Variants in TNK2 observed in about 807,000 individuals in gnomAD.
TNK2 encodes the protein tyrosine kinase non receptor 2.
TNK2 carries 83 observed loss-of-function variants against 101.8 expected under a neutral mutation model. That is an observed-to-expected ratio of 0.82 (90% CI 0.68 to 0.98). TNK2 has a LOEUF of 0.98. TNK2 is among the 50% of genes least tolerant of loss of function. The pLI, the probability that TNK2 is intolerant of heterozygous loss-of-function variation, is 0.00. For missense variants in TNK2, 1,665 were observed against 1,483.2 expected, an observed-to-expected ratio of 1.12 and a Z score of -2.01; for synonymous variants, 804 against 633.0, an observed-to-expected ratio of 1.27 and a Z score of -4.06.
Position 195,868,424 on chromosome 3 carries a change from C to G in TNK2, c.1874G>C (p.Arg625Pro). Residue 625 changes from arginine (R) to proline (P), a missense_variant, in exon 13 of 16, where the codon CGG becomes CCG. Arg to Pro is a moderately radical substitution (Grantham distance 103). Around this residue, in one of 3 missense-constraint regions of TNK2, gnomAD observed 1,136 missense variants for 894.9 expected, o/e 1.27. Transcript: ENST00000672887. Reference protein sequence around the residue: ...LDETPPQSPTRALPRPLHPTP... With the variant: ...LDETPPQSPTPALPRPLHPTP... ...GGGGTGCAGGGGCCGGGGCAGTGCC[C>G]GCGTGGGGCTCTGAGGCGGGGTCTC... 1.3e-6 allele frequency: 2 copies of G among 1,568,810 alleles called. No homozygotes were observed. Among genetic ancestry groups the G allele is most frequent in the African/African-American group, 2.7e-5 (2 of 73,466 alleles).
rs982119296 is a variant in TNK2 at position 195,894,900 on chromosome 3, T to C, written c.-18-6294A>G. ...AAGGACATCTGGCTTGATATTCATATTCAGAAGCCTAGTAAACGGGAATGC... is the reference window on the plus strand; with the variant it reads ...AAGGACATCTGGCTTGATATTCATACTCAGAAGCCTAGTAAACGGGAATGC... On this transcript the variant is annotated intron_variant, in intron 1 of 15. Transcript: ENST00000672887. Among the ~76,000 whole-genome samples, 14 of 152,232 alleles carry C rather than the reference T, an allele frequency of 9.2e-5. No individual in the cohort carries two copies. In the South Asian group the frequency reaches 1.9e-3, roughly 20 times the overall value.
chr3:195,869,443 TGA>T lies in TNK2; in HGVS notation c.1588+52_1588+53del, dbSNP rs1301359628. The T allele has an allele frequency of 6.2e-6, 9 of 1,462,798 alleles. No homozygotes were observed. The African/African-American group carries it at 9.2e-5, about 15-fold the overall frequency. The allele number at this position is 1,462,798 out of a possible 1,614,324, so 90.6% of individuals were successfully genotyped here. On this transcript the variant is annotated intron_variant, in intron 12 of 15. Coordinates refer to ENST00000672887, the MANE Select transcript of TNK2 (RefSeq NM_001382273.1). ...GGCTCTGTACCTTCCAGGAGAGGAG[TGA>T]GAGAGAGGGGGCGGGGGCGGGGGCC...
At chr3:195,870,245 G>A (rs765137777) in intron 10 of TNK2, 40 bp from the exon 11 acceptor site, 44 of 1,599,846 alleles carry the variant, frequency 2.8e-5, no homozygotes, top group Admixed American at 1.7e-4. Context: ...CAGGGGAAGC[G>A]TGTGGAGGGG....
chr3:195,886,920 G>T lies in TNK2; in HGVS notation c.234+57C>A. Reference sequence around the variant, plus strand: ...GGGGAAGGTTCCCAGGACCAGAAGCGGAGGGGGGCGTTCGAGGCTGCCCCC... The same window carrying T: ...GGGGAAGGTTCCCAGGACCAGAAGCTGAGGGGGGCGTTCGAGGCTGCCCCC... On this transcript the variant is annotated intron_variant, in intron 3 of 15. Transcript: ENST00000672887. The surrounding 1 kb of genome is among the most constrained non-coding windows in gnomAD (Gnocchi z 4.2). 6.3e-7 allele frequency: 1 copy of T among 1,586,034 alleles called. No homozygotes were observed. Among genetic ancestry groups the T allele is most frequent in the Non-Finnish European group, 8.7e-7 (1 of 1,154,390 alleles).
chr3:195,870,118 C>A lies in TNK2; in HGVS notation c.1539G>T (p.Val513=). Residue 513 remains valine (V), a synonymous_variant, in exon 11 of 16, where the codon GTG becomes GTT. Transcript: ENST00000672887. ...TSRPPQHLGG[V]KREPPPRPPQ... ...AGGGAGCAGAGGGGCTCTTACTTTT[C>A]ACCCCTCCTAGATGCTGGGGGGGCC... 1.4e-6 allele frequency: 2 copies of A among 1,458,562 alleles called. No individual in the cohort carries two copies. Among genetic ancestry groups the A allele is most frequent in the Non-Finnish European group, 1.8e-6 (2 of 1,100,328 alleles). The allele number at this position is 1,458,562 out of a possible 1,614,324, so 90.4% of individuals were successfully genotyped here.
Position 195,867,877 on chromosome 3 carries a change from G to A in TNK2, c.2421C>T (p.Pro807=). The change falls in exon 13 of 16, where the codon CCC becomes CCT. Residue 807 remains proline (P), a synonymous_variant. Coordinates refer to ENST00000672887, the MANE Select transcript of TNK2 (RefSeq NM_001382273.1). ...AGCTGCCAGGTGGTACCAGGGGGCT[G>A]GGTGTCCTCGAGCCTTGAGGGGACA... The part of the protein sequence containing the change: ...EPLSPQGSRT[P]SPLVPPGSSP... 1 of 1,530,648 alleles carries A rather than the reference G, an allele frequency of 6.5e-7. No individual in the cohort carries two copies. The highest frequency in any genetic ancestry group is 8.7e-7 in the Non-Finnish European group (1 of 1,145,796). The allele number at this position is 1,530,648 out of a possible 1,614,324, so 94.8% of individuals were successfully genotyped here. A position where few individuals can be genotyped will look rare whatever the true frequency, so the allele number is the denominator to read the frequency against.
intron 2 of TNK2, among the ~76,000 whole-genome samples, chr3:195,887,806 G>A (rs551048028): frequency 2.7e-5 from 4 of 149,368 alleles, no homozygotes; most frequent in East Asian, 2.0e-4. Flanking sequence ...TGTGTATGCC[G>A]TGCGTGTGCA....
At chr3:195,881,662 G>A (rs1753100901) in intron 6 of TNK2, among the ~76,000 whole-genome samples, 1 of 101,468 alleles carries the variant, frequency 9.9e-6, no homozygotes, top group Admixed American at 1.3e-4. Flanking sequence ...GCCCTTTGGA[G>A]AGGACACAGC....
At chr3:195,887,076 G>A (rs1330597011) in intron 2 of TNK2, 29 bp from the exon 3 acceptor site, 6 of 1,574,346 alleles carry the variant, frequency 3.8e-6, no homozygotes, top group Admixed American at 1.7e-5. Context: ...ACCGCGTGCT[G>A]TGAAGGCCGC....
At position 195,867,431 on chromosome 3, in the gene TNK2, G is replaced by A. The variant is rs1741640061; in HGVS notation, c.2867C>T (p.Ala956Val). The change falls in exon 13 of 16, where the codon GCT becomes GTT. Residue 956 changes from alanine to valine, a missense_variant. This residue lies in a region of TNK2 where 1,136 missense variants were observed against 894.9 expected (regional missense o/e 1.27). Coordinates refer to ENST00000672887, the MANE Select transcript of TNK2 (RefSeq NM_001382273.1). The part of the protein sequence containing the change: ...GARPPPPRAT[A>V]RLPQRGCPGD... ...AGGGCAGCCCCTCTGTGGCAGCCGAGCAGTGGCCCTCGGGGGTGGTGGCCG... is the reference window on the plus strand; with the variant it reads ...AGGGCAGCCCCTCTGTGGCAGCCGAACAGTGGCCCTCGGGGGTGGTGGCCG... The A allele has an allele frequency of 3.1e-6, 5 of 1,599,912 alleles. No individual in the cohort carries two copies. The highest frequency in any genetic ancestry group is 4.2e-6 in the Non-Finnish European group (5 of 1,177,668).
rs542507911 is a variant in TNK2, at chr3:195,878,096, C to T, written c.1256+157G>A. On this transcript the variant is annotated intron_variant, in intron 9 of 15. Coordinates refer to ENST00000672887, the MANE Select transcript of TNK2 (RefSeq NM_001382273.1). The surrounding 1 kb of genome is among the most constrained non-coding windows in gnomAD (Gnocchi z 4.7). ...GGGAAAGGCACTAGGAAGACGGAGG[C>T]AGGCCTGTCCTCCCCTCACACTGCA... Among the ~76,000 whole-genome samples the T allele has an allele frequency of 3.3e-5, 5 of 152,150 alleles. No homozygotes were observed. Among genetic ancestry groups the T allele is most frequent in the African/African-American group, 9.7e-5 (4 of 41,434 alleles).
Position 195,882,339 on chromosome 3 carries a change from G to A in TNK2, c.610-11C>T, listed in dbSNP as rs199585638. On this transcript the variant is annotated splice_polypyrimidine_tract_variant and intron_variant, in intron 5 of 15. Transcript: ENST00000672887. The surrounding 1 kb of genome is among the most constrained non-coding windows in gnomAD (Gnocchi z 4.2). ...TGCCAGCTCTGTCACCTGAGGCCAC[G>A]GAGGAGGCAGGAGGAATGAGCTGGA... The A allele has an allele frequency of 5.5e-5, 88 of 1,607,662 alleles. No homozygotes were observed. Among genetic ancestry groups the A allele is most frequent in the Middle Eastern group, 1.6e-4 (1 of 6,062 alleles).
Position 195,868,349 on chromosome 3 carries a change from T to C in TNK2, c.1949A>G (p.Tyr650Cys), listed in dbSNP as rs752921253. ...DARPLPPPPAYDDVAQDEDDF... is the reference protein window; with the variant it reads ...DARPLPPPPACDDVAQDEDDF... ...ATCCTCATCCTGGGCCACGTCGTCA[T>C]AGGCGGGCGGGGGGGGCAGCGGGCG... is the stretch of plus-strand genomic sequence containing the variant. The change falls in exon 13 of 16, where the codon TAT (tyrosine) becomes TGT (cysteine). Residue 650 changes from tyrosine to cysteine, a missense_variant. Tyr to Cys is a radical substitution (Grantham distance 194). This residue lies in a region of TNK2 where 1,136 missense variants were observed against 894.9 expected (regional missense o/e 1.27). Coordinates refer to ENST00000672887, the MANE Select transcript of TNK2 (RefSeq NM_001382273.1). The C allele has an allele frequency of 3.9e-5, 63 of 1,598,452 alleles. No individual in the cohort carries two copies. Among genetic ancestry groups the C allele is most frequent in the East Asian group, 6.7e-5 (3 of 44,580 alleles).
chr3:195,885,347 G>A lies in TNK2; in HGVS notation c.235-314C>T. 1.5e-6 allele frequency: 2 copies of A among 1,373,152 alleles called. No individual in the cohort carries two copies. Among genetic ancestry groups the A allele is most frequent in the South Asian group, 1.4e-5 (1 of 71,722 alleles). The allele number at this position is 1,373,152 out of a possible 1,614,324, so 85.1% of individuals were successfully genotyped here. On this transcript the variant is annotated intron_variant, in intron 3 of 15. Transcript: ENST00000672887. This position sits in a 1 kb window ranked among gnomAD's most constrained non-coding sequence, Gnocchi z 4.7. ...AGGGCACCGCCCAGCCAAGGTCGGA[G>A]TCTCCTCCCAGTCCTGCCCCACCCT...
Position 195,886,787 on chromosome 3 carries a change from G to GA in TNK2, c.234+189dup. 6.6e-6 allele frequency among the ~76,000 whole-genome samples: 1 copy of GA among 152,334 alleles called. No individual in the cohort carries two copies. Among genetic ancestry groups the GA allele is most frequent in the Non-Finnish European group, 1.5e-5 (1 of 68,034 alleles). On this transcript the variant is annotated intron_variant, in intron 3 of 15. Coordinates refer to ENST00000672887, the MANE Select transcript of TNK2 (RefSeq NM_001382273.1). This position sits in a 1 kb window ranked among gnomAD's most constrained non-coding sequence, Gnocchi z 4.2. ...CACGTGTCCGTATCTGGCGGAGACA[G>GA]ACACTTAGCCCAGCAGCTCTACAAG... is the stretch of plus-strand genomic sequence containing the variant.
intron 1 of TNK2, chr3:195,895,245 C>T (rs1293538518): frequency 1.3e-6 from 2 of 1,541,598 alleles, no homozygotes; most frequent in Non-Finnish European, 1.7e-6. Context: ...TTCCCCATTA[C>T]CTGCGGTCCC....
intron 1 of TNK2, among the ~76,000 whole-genome samples, chr3:195,904,280 A>T (rs1197183976): frequency 6.6e-6 from 1 of 151,296 alleles, no homozygotes; most frequent in Non-Finnish European, 1.5e-5. Flanking sequence ...AAAAAAAAAA[A>T]GGTGAAAGCA....
intron 1 of TNK2, among the ~76,000 whole-genome samples, chr3:195,890,770 C>T (rs953398472): frequency 2.6e-5 from 4 of 152,212 alleles, no homozygotes; most frequent in African/African-American, 9.7e-5. Context: ...AATGAAACTA[C>T]TGTGTAAACT....
chr3:195,872,359 C>G lies in TNK2; in HGVS notation c.1368G>C (p.Gln456His). Residue 456 changes from glutamine (Q) to histidine (H), a missense_variant, in exon 10 of 16, where the codon CAG becomes CAC. Transcript: ENST00000672887. ...TGTGGATGAAGCTGTTCTGCAGGGG[C>G]TGGCTGATGTCCTGGGCCGACAGGC... Reference protein sequence around the residue: ...VAGLSAQDISQPLQNSFIHTG... With the variant: ...VAGLSAQDISHPLQNSFIHTG... The G allele has an allele frequency of 1.2e-6, 2 of 1,613,428 alleles. No homozygotes were observed. The highest frequency in any genetic ancestry group is 1.7e-6 in the Non-Finnish European group (2 of 1,179,932).
Sources: allele counts gnomAD v4.1 joint callset (sites outside exome capture counted in the v4.1 genomes callset), GRCh38; gene constraint gnomAD v4.1.1; regional missense constraint gnomAD v4.1.1; non-coding constraint Gnocchi (gnomAD v3.1); transcripts MANE v1.5; gene names NCBI Gene and HGNC (gene_info 2026-07-23, HGNC 2026-07-21).